The following PUS7L variants were observed in gnomAD, a reference collection of about 807,000 sequenced individuals.
The protein encoded by PUS7L is pseudouridine synthase 7 like.
PUS7L carries 49 observed loss-of-function variants against 51.1 expected under a neutral mutation model. The ratio of observed to expected loss-of-function variants is 0.96; its 90% confidence interval spans 0.76 to 1.22. PUS7L has a LOEUF of 1.22. PUS7L is among the 50% of genes most tolerant of loss of function. The probability of loss-of-function intolerance (pLI) is 0.00; values close to 1 mark genes in which losing one functional copy is unlikely to be tolerated. For missense variants in PUS7L, 828 were observed against 820.6 expected (o/e 1.01, Z -0.11); for synonymous variants, 277 against 276.2 (o/e 1.00, Z -0.03).
rs1944451974 is a variant in PUS7L at position 43,726,155 on chromosome 12, T to C, written c.*4221A>G. On this transcript the variant is annotated 3_prime_UTR_variant, in exon 9 of 9. Transcript: ENST00000344862. ...CTGACATCAAACTAAACTACAAGGC[T>C]ATAGTAACCAAAACAGCATGGTACT... 1 of 152,124 alleles carries C rather than the reference T, an allele frequency of 6.6e-6. No homozygotes were observed. 9.4% of individuals were successfully genotyped at this position (152,124 alleles called of 1,614,324 possible). A position where few individuals can be genotyped will look rare whatever the true frequency, so the allele number is the denominator to read the frequency against.
In PUS7L at chr12:43,738,979, T is replaced by C. The variant is rs1592165444; in HGVS notation, c.1363-588A>G. 3 of 162,212 alleles carry C rather than the reference T, an allele frequency of 1.8e-5. No homozygotes were observed. In the Middle Eastern group the frequency reaches 9.7e-3, roughly 523 times the overall value. 10.0% of individuals were successfully genotyped at this position (162,212 alleles called of 1,614,324 possible). On this transcript the variant is annotated intron_variant, in intron 5 of 8. Transcript: ENST00000344862. ...TGAAAATATTTAATATTTAAATGGC[T>C]GGAGTAGAAGTAAAATTAAACCAAT...
At chr12:43,743,614 T>G (rs1368691511) in intron 4 of PUS7L, among the ~76,000 whole-genome samples, 1 of 151,936 alleles carries the variant, frequency 6.6e-6, no homozygotes, top group African/African-American at 2.4e-5. Context: ...ATACAAAAAA[T>G]TAGCTGGGCG....
At chr12:43,746,014 C>G in intron 4 of PUS7L, 32 bp downstream of exon 4, 2 of 1,005,774 alleles carry the variant, frequency 2.0e-6, no homozygotes, top group Non-Finnish European at 3.0e-6. Context: ...TGAAGATTTC[C>G]CTGGATGCCT....
At position 43,722,557 on chromosome 12, in the gene PUS7L, TC is replaced by T. The variant is rs1312000852; in HGVS notation, c.*7818del. On this transcript the variant is annotated 3_prime_UTR_variant, in exon 9 of 9. Coordinates refer to ENST00000344862, the MANE Select transcript of PUS7L (RefSeq NM_031292.5). Reference sequence around the variant, plus strand: ...TACATAGAATAAAAATGTATTCGATTCCTTTGCGATATTTTATAGAAAAATA... The same window carrying T: ...TACATAGAATAAAAATGTATTCGATTCTTTGCGATATTTTATAGAAAAATA... The T allele has an allele frequency of 2.0e-5, 3 of 152,170 alleles. No homozygotes were observed. The highest frequency in any genetic ancestry group is 4.4e-5 in the Non-Finnish European group (3 of 67,982). The allele number at this position is 152,170 out of a possible 1,614,324, so 9.4% of individuals were successfully genotyped here. A position where few individuals can be genotyped will look rare whatever the true frequency, so the allele number is the denominator to read the frequency against.
rs1272922750 is a variant in PUS7L at position 43,723,182 on chromosome 12, T to C, written c.*7194A>G. ...TTTCTTTTGTAAGAGATGGCCTATGTACACAGGCAGAGTAAATTAACTCCT... is the reference window on the plus strand; with the variant it reads ...TTTCTTTTGTAAGAGATGGCCTATGCACACAGGCAGAGTAAATTAACTCCT... On this transcript the variant is annotated 3_prime_UTR_variant, in exon 9 of 9. Transcript: ENST00000344862. 6.6e-6 allele frequency: 1 copy of C among 152,184 alleles called. No homozygotes were observed. The highest frequency in any genetic ancestry group is 6.5e-5 in the Admixed American group (1 of 15,278). 9.4% of individuals were successfully genotyped at this position (152,184 alleles called of 1,614,324 possible). A position where few individuals can be genotyped will look rare whatever the true frequency, so the allele number is the denominator to read the frequency against.
rs1323515059 is a variant in PUS7L, at chr12:43,755,269, A to G, written c.-16-8T>C. The G allele has an allele frequency of 1.3e-6, 2 of 1,515,086 alleles. No homozygotes were observed. Among genetic ancestry groups the G allele is most frequent in the Non-Finnish European group, 1.8e-6 (2 of 1,125,748 alleles). The allele number at this position is 1,515,086 out of a possible 1,614,324, so 93.9% of individuals were successfully genotyped here. On this transcript the variant is annotated splice_polypyrimidine_tract_variant and splice_region_variant and intron_variant, in intron 1 of 8. Coordinates refer to ENST00000344862, the MANE Select transcript of PUS7L (RefSeq NM_031292.5). ...ATTCTTCTATAACAGTGCCTAGAAAACAAAACAAAGAGGTGGTTAGTTAAC... is the reference window on the plus strand; with the variant it reads ...ATTCTTCTATAACAGTGCCTAGAAAGCAAAACAAAGAGGTGGTTAGTTAAC...
In PUS7L at chr12:43,726,209, G is replaced by C. The variant is rs992913531; in HGVS notation, c.*4167C>G. 5.3e-5 allele frequency: 8 copies of C among 152,084 alleles called. No individual in the cohort carries two copies. The highest frequency in any genetic ancestry group is 1.9e-4 in the African/African-American group (8 of 41,382). 9.4% of individuals were successfully genotyped at this position (152,084 alleles called of 1,614,324 possible). On this transcript the variant is annotated 3_prime_UTR_variant, in exon 9 of 9. Coordinates refer to ENST00000344862, the MANE Select transcript of PUS7L (RefSeq NM_031292.5). ...ACAAAAACAGACACATAGACCAATGGAACAGGTTAGAGAACCCAGAAATAA... is the reference window on the plus strand; with the variant it reads ...ACAAAAACAGACACATAGACCAATGCAACAGGTTAGAGAACCCAGAAATAA...
In PUS7L at chr12:43,724,289, C is replaced by G. The variant is rs532627728; in HGVS notation, c.*6087G>C. 5 of 151,054 alleles carry G rather than the reference C, an allele frequency of 3.3e-5. No individual in the cohort carries two copies. The highest frequency in any genetic ancestry group is 7.3e-5 in the African/African-American group (3 of 41,258). The allele number at this position is 151,054 out of a possible 1,614,324, so 9.4% of individuals were successfully genotyped here. A position where few individuals can be genotyped will look rare whatever the true frequency, so the allele number is the denominator to read the frequency against. ...CCAGATTTAGAAATAGTTGTTTCTA[C>G]TACTACAAAAAAAAAAACCTCTAAA... On this transcript the variant is annotated 3_prime_UTR_variant, in exon 9 of 9. Coordinates refer to ENST00000344862, the MANE Select transcript of PUS7L (RefSeq NM_031292.5).
At chr12:43,744,020 G>C (rs1938043162) in intron 4 of PUS7L, among the ~76,000 whole-genome samples, 1 of 152,106 alleles carries the variant, frequency 6.6e-6, no homozygotes, top group Non-Finnish European at 1.5e-5. Context: ...AGAACTAATG[G>C]AAGTTGGCTA....
intron 3 of PUS7L, among the ~76,000 whole-genome samples, chr12:43,748,185 C>CA (rs1252689153): frequency 6.6e-6 from 1 of 151,946 alleles, no homozygotes; most frequent in Non-Finnish European, 1.5e-5. Context: ...TTTACAGTAA[C>CA]AAAAAAATTT....
At position 43,744,525 on chromosome 12, in the gene PUS7L, T is replaced by C. The variant is rs137855112; in HGVS notation, c.1263+1521A>G. 4.7e-3 allele frequency among the ~76,000 whole-genome samples: 723 copies of C among 152,304 alleles called. 1 individual carries two copies. The highest frequency in any genetic ancestry group is 7.6e-3 in the Non-Finnish European group (515 of 68,020). ...AGGCCTCCCCACCTATACGGAACTG[T>C]GAGTTAATTAAAGCACTTTTCTTCA... On this transcript the variant is annotated intron_variant, in intron 4 of 8. Transcript: ENST00000344862.
chr12:43,746,721 T>G (rs927067390), intron 3 of PUS7L, among the ~76,000 whole-genome samples: 1 of 152,242 alleles, frequency 6.6e-6, no homozygotes, highest in African/African-American at 2.4e-5. Context: ...GAGTAACTTG[T>G]ATGACCCTAT....
chr12:43,730,687 G>A lies in PUS7L; in HGVS notation c.1795C>T (p.Leu599Phe), dbSNP rs756578287. Residue 599 changes from leucine (L) to phenylalanine (F), a missense_variant, in exon 9 of 9, where the codon CTT becomes TTT. Leu to Phe is a conservative substitution (Grantham distance 22). Coordinates refer to ENST00000344862, the MANE Select transcript of PUS7L (RefSeq NM_031292.5). ...TTCGGGTACTGAATATTGTATCCAA[G>A]TACTGGAAGAACCACCTGTGAAAGA... ...YAIHQVVLPV[L>F]GYNIQYPKNK... 2.5e-6 allele frequency: 4 copies of A among 1,594,418 alleles called. No individual in the cohort carries two copies. The East Asian group carries it at 9.0e-5, about 36-fold the overall frequency.
chr12:43,732,773 GCTC>G (rs1944588648), intron 7 of PUS7L, among the ~76,000 whole-genome samples: 1 of 152,024 alleles, frequency 6.6e-6, no homozygotes, highest in African/African-American at 2.4e-5. Context: ...CAATAATGTT[GCTC>G]CTTTTTGTTT....
At position 43,723,926 on chromosome 12, in the gene PUS7L, C is replaced by T. The variant is rs1411875380; in HGVS notation, c.*6450G>A. 1 of 152,062 alleles carries T rather than the reference C, an allele frequency of 6.6e-6. No individual in the cohort carries two copies. Among genetic ancestry groups the T allele is most frequent in the Non-Finnish European group, 1.5e-5 (1 of 67,944 alleles). The allele number at this position is 152,062 out of a possible 1,614,324, so 9.4% of individuals were successfully genotyped here. On this transcript the variant is annotated 3_prime_UTR_variant, in exon 9 of 9. Coordinates refer to ENST00000344862, the MANE Select transcript of PUS7L (RefSeq NM_031292.5). ...CATGAGCCACCAAAACCATTCTGAA[C>T]AAATGCAATCATAACCCATTAATTC...
At chr12:43,732,821 C>T (rs1460215396) in intron 7 of PUS7L, among the ~76,000 whole-genome samples, 2 of 152,076 alleles carry the variant, frequency 1.3e-5, no homozygotes, top group Non-Finnish European at 2.9e-5. Context: ...TTATTGGTAA[C>T]TAACCTCTTT....
At chr12:43,743,734 G>C (rs900058915) in intron 4 of PUS7L, among the ~76,000 whole-genome samples, 4 of 151,980 alleles carry the variant, frequency 2.6e-5, no homozygotes, top group African/African-American at 4.8e-5. Flanking sequence ...CTGCACTCCA[G>C]CCTGGGTGAC....
In PUS7L at chr12:43,754,697, A is replaced by G; in HGVS notation, c.549T>C (p.Phe183=). Residue 183 remains phenylalanine (F), a synonymous_variant, in exon 2 of 9, where the codon TTT becomes TTC. Transcript: ENST00000344862. ...TTTTTCCTACAGTTACTAAAAATGG[A>G]AATTTCTGCCTAATGGCACTGTGTA... is the stretch of plus-strand genomic sequence containing the variant. The part of the protein sequence containing the change: ...ASLHSAIRQK[F]PFLVTVGKNS... 1 of 1,613,868 alleles carries G rather than the reference A, an allele frequency of 6.2e-7. No homozygotes were observed. The highest frequency in any genetic ancestry group is 8.5e-7 in the Non-Finnish European group (1 of 1,179,848).
At chr12:43,733,781 C>T (rs1944616313) in intron 7 of PUS7L, among the ~76,000 whole-genome samples, 1 of 148,184 alleles carries the variant, frequency 6.7e-6, no homozygotes, top group Admixed American at 6.6e-5. Flanking sequence ...ATCTCTTCTC[C>T]CCCACATGAG....
Sources: gnomAD v4.1 joint callset for allele counts (sites outside exome capture counted in the v4.1 genomes callset) on GRCh38, gnomAD v4.1.1 for gene constraint, MANE v1.5 for transcripts, NCBI Gene and HGNC (gene_info 2026-07-23, HGNC 2026-07-21) for gene names.